CCDC158: variants seen among roughly 807,000 people sequenced by gnomAD.
CCDC158 encodes the protein coiled-coil domain-containing protein 158.
CCDC158 carries 116 observed loss-of-function variants against 138.6 expected under a neutral mutation model. The observed-to-expected ratio is 0.84, with a 90% CI of 0.72 to 0.98. The LOEUF (loss-of-function observed/expected upper bound fraction) is 0.98. Among genes scored for constraint, CCDC158 ranks in the 50% least tolerant of loss-of-function variants. CCDC158 has a pLI of 0.00. For missense variants in CCDC158, 1,265 were observed against 1,306.1 expected, an observed-to-expected ratio of 0.97 and a Z score of 0.48; for synonymous variants, 436 against 442.4, an observed-to-expected ratio of 0.99 and a Z score of 0.18.
chr4:76,346,931 T>C (rs1271833737), intron 18 of CCDC158, among the ~76,000 whole-genome samples: 2 of 152,018 alleles, frequency 1.3e-5, no homozygotes, highest in African/African-American at 4.8e-5. Flanking sequence ...GAAAAAAAGC[T>C]CATCATCACT....
At chr4:76,356,663 T>C (rs1207070636) in intron 14 of CCDC158, 1 of 152,208 alleles carries the variant, frequency 6.6e-6, no homozygotes. Flanking sequence ...GAGACTATGG[T>C]AATCTTCTTT....
Position 76,383,758 on chromosome 4 carries a change from A to G in CCDC158, c.727-20T>C, listed in dbSNP as rs754694418. 7.0e-6 allele frequency: 11 copies of G among 1,565,178 alleles called. No individual in the cohort carries two copies. Among genetic ancestry groups the G allele is most frequent in the Admixed American group, 3.3e-5 (2 of 59,922 alleles). On this transcript the variant is annotated intron_variant, in intron 6 of 24. Transcript: ENST00000682701. ...CTCTACCTGGTTTTTAAAAAGAGAC[A>G]CTGATTTAGTTACTGGTAAATATAA... is the stretch of plus-strand genomic sequence containing the variant.
intron 3 of CCDC158, among the ~76,000 whole-genome samples, chr4:76,397,211 G>GGAAAA (rs1553905272): frequency 1.4e-5 from 2 of 146,418 alleles, no homozygotes; most frequent in African/African-American, 2.5e-5. Flanking sequence ...CTTAATTTTG[G>GGAAAA]AAAAAAAAAA....
At chr4:76,409,385 C>T (rs1444292375) in intron 2 of CCDC158, among the ~76,000 whole-genome samples, 1 of 151,822 alleles carries the variant, frequency 6.6e-6, no homozygotes, top group Non-Finnish European at 1.5e-5. Flanking sequence ...GGGATCATAA[C>T]ATGAACTTAC....
chr4:76,356,682 C>T (rs1723600673), intron 14 of CCDC158: 1 of 152,072 alleles, frequency 6.6e-6, no homozygotes, highest in Non-Finnish European at 1.5e-5. Flanking sequence ...TTATATCGTT[C>T]TAATTTTAGT....
At chr4:76,348,135 G>A (rs1457129895) in intron 18 of CCDC158, among the ~76,000 whole-genome samples, 2 of 151,870 alleles carry the variant, frequency 1.3e-5, no homozygotes, top group East Asian at 3.9e-4. Flanking sequence ...TTTATAAAAG[G>A]GCACTAATGC....
At chr4:76,357,864 T>A (rs1485421858) in intron 13 of CCDC158, among the ~76,000 whole-genome samples, 1 of 152,134 alleles carries the variant, frequency 6.6e-6, no homozygotes, top group Non-Finnish European at 1.5e-5. Flanking sequence ...CATCTGCTGG[T>A]AGATGAATCT....
Position 76,384,313 on chromosome 4 carries a change from G to A in CCDC158, c.501C>T (p.Asp167=). 1.9e-6 allele frequency: 3 copies of A among 1,614,080 alleles called. No individual in the cohort carries two copies. Among genetic ancestry groups the A allele is most frequent in the Admixed American group, 1.7e-5 (1 of 60,016 alleles). Residue 167 remains aspartate (D), a synonymous_variant, in exon 6 of 25, where the codon GAC becomes GAT. Transcript: ENST00000682701. ...GTAGTTGCTCTATCTGTGTGTTGCT[G>A]TCTTTCAGCATGTCCTCTTTAAGGC... ...AKCLKEDMLK[D]SNTQIEQLRK...
At chr4:76,328,594 T>C (rs1485546212) in intron 22 of CCDC158, among the ~76,000 whole-genome samples, 7 of 152,194 alleles carry the variant, frequency 4.6e-5, no homozygotes, top group African/African-American at 1.7e-4. Flanking sequence ...GGTTGTGATC[T>C]TTAAATGAGG....
intron 3 of CCDC158, among the ~76,000 whole-genome samples, chr4:76,397,128 A>T (rs1200733303): frequency 6.6e-6 from 1 of 152,100 alleles, no homozygotes; most frequent in Non-Finnish European, 1.5e-5. Context: ...GAGGAGGTAG[A>T]GGTTAATTTC....
intron 14 of CCDC158, 43 bp downstream of exon 14, chr4:76,357,331 A>G: frequency 7.2e-7 from 1 of 1,396,620 alleles, no homozygotes; most frequent in South Asian, 1.7e-5. Flanking sequence ...TAGTCCATTA[A>G]ATTAAAAACA....
chr4:76,358,128 T>A (rs1205829102), intron 13 of CCDC158, among the ~76,000 whole-genome samples: 1 of 152,176 alleles, frequency 6.6e-6, no homozygotes, highest in African/African-American at 2.4e-5. Context: ...TGAAACCAAC[T>A]GCCTCACAGT....
intron 12 of CCDC158, 108 bp from the exon 13 acceptor site, chr4:76,362,423 C>T: frequency 3.0e-6 from 2 of 669,642 alleles, no homozygotes; most frequent in Non-Finnish European, 4.8e-6. Flanking sequence ...CAGTCTCCTA[C>T]TTAATATCCT....
intron 8 of CCDC158, among the ~76,000 whole-genome samples, chr4:76,382,036 G>A (rs1382924952): frequency 1.3e-5 from 2 of 152,206 alleles, no homozygotes; most frequent in Non-Finnish European, 1.5e-5. Flanking sequence ...TTACAAATCT[G>A]AATTGTAATC....
At chr4:76,399,732 T>C (rs932472835) in intron 3 of CCDC158, among the ~76,000 whole-genome samples, 3 of 152,142 alleles carry the variant, frequency 2.0e-5, no homozygotes, top group Admixed American at 2.0e-4. Context: ...GTGTGTTATA[T>C]GTATTTGTTA....
At chr4:76,390,187 TAA>T (rs1381996076) in intron 4 of CCDC158, among the ~76,000 whole-genome samples, 1 of 152,084 alleles carries the variant, frequency 6.6e-6, no homozygotes, top group Non-Finnish European at 1.5e-5. Flanking sequence ...GAGAAACAAC[TAA>T]AAGTTAAATA....
At chr4:76,349,651 G>A (rs1241758662) in intron 18 of CCDC158, among the ~76,000 whole-genome samples, 3 of 152,142 alleles carry the variant, frequency 2.0e-5, no homozygotes, top group Non-Finnish European at 4.4e-5. Flanking sequence ...CTCAGTGACA[G>A]AGCAAGACTC....
intron 1 of CCDC158, among the ~76,000 whole-genome samples, chr4:76,416,321 C>T (rs533991203): frequency 1.6e-4 from 24 of 152,276 alleles, no homozygotes; most frequent in South Asian, 4.2e-4. Context: ...CCGGTCTCCG[C>T]GTCTTGGTTG....
At position 76,329,674 on chromosome 4, in the gene CCDC158, C is replaced by T. The variant is rs148323467; in HGVS notation, c.2943-707G>A. On this transcript the variant is annotated intron_variant, in intron 21 of 24. Transcript: ENST00000682701. ...TATAAGACATATAAGTTGAAGTAAA[C>T]TACATAGTTCTCTGTGAGTTGGGTA... Among the ~76,000 whole-genome samples the T allele has an allele frequency of 3.0e-3, 458 of 152,302 alleles. 2 individuals are homozygous for T. Among genetic ancestry groups the T allele is most frequent in the African/African-American group, 0.011 (438 of 41,558 alleles).
Sources: gnomAD v4.1 joint callset for allele counts (sites outside exome capture counted in the v4.1 genomes callset) on GRCh38, gnomAD v4.1.1 for gene constraint, MANE v1.5 for transcripts, NCBI Gene and HGNC (gene_info 2026-07-23, HGNC 2026-07-21) for gene names.